The following DEPDC1 variants were observed in gnomAD, a reference collection of about 807,000 sequenced individuals.
DEPDC1 encodes DEP domain-containing protein 1A.
A neutral mutation model predicts 86.8 loss-of-function variants in DEPDC1; 66 were observed. That is an observed-to-expected ratio of 0.76 (90% CI 0.62 to 0.93). The LOEUF (loss-of-function observed/expected upper bound fraction) is 0.93. Among genes scored for constraint, DEPDC1 ranks in the 40% least tolerant of loss-of-function variants. The pLI is 0.00. For missense variants in DEPDC1, 792 were observed against 935.7 expected (o/e 0.85, Z 2.00); for synonymous variants, 255 against 314.9 (o/e 0.81, Z 2.02).
At chr1:68,491,836 C>T (rs916581656) in intron 2 of DEPDC1, among the ~76,000 whole-genome samples, 2 of 151,962 alleles carry the variant, frequency 1.3e-5, no homozygotes, top group Non-Finnish European at 1.5e-5. Flanking sequence ...AGTGTGATCA[C>T]GGCTGACTAC....
intron 2 of DEPDC1, among the ~76,000 whole-genome samples, chr1:68,489,881 G>A (rs560672225): frequency 6.6e-6 from 1 of 151,960 alleles, no homozygotes; most frequent in South Asian, 2.1e-4. Flanking sequence ...CACACAAAAT[G>A]GCTCTAGAAT....
At chr1:68,481,772 CATT>C in intron 8 of DEPDC1, 160 bp from the exon 9 acceptor site, 1 of 659,902 alleles carries the variant, frequency 1.5e-6, no homozygotes, top group Non-Finnish European at 2.4e-6. Flanking sequence ...GTAAGATTCT[CATT>C]ATTTTCTTTA....
intron 2 of DEPDC1, among the ~76,000 whole-genome samples, chr1:68,491,837 G>A (rs949447976): frequency 5.9e-5 from 9 of 151,552 alleles, no homozygotes; most frequent in South Asian, 2.1e-4. Context: ...GTGTGATCAC[G>A]GCTGACTACA....
intron 4 of DEPDC1, 137 bp from the exon 5 acceptor site, chr1:68,488,641 A>G: frequency 1.4e-6 from 1 of 728,424 alleles, no homozygotes; most frequent in Non-Finnish European, 2.2e-6. Flanking sequence ...ATCCCCTTTC[A>G]AATACATTTA....
At chr1:68,489,242 A>C (rs1157195357) in intron 3 of DEPDC1, among the ~76,000 whole-genome samples, 1 of 151,836 alleles carries the variant, frequency 6.6e-6, no homozygotes, top group African/African-American at 2.4e-5. Context: ...AAATTATATA[A>C]CTGTTGTTTT....
At chr1:68,483,075 T>A in intron 7 of DEPDC1, 178 bp from the exon 8 acceptor site, 1 of 640,474 alleles carries the variant, frequency 1.6e-6, no homozygotes, top group East Asian at 2.8e-5. Flanking sequence ...AACATTCGGT[T>A]ACAAACGTGC....
chr1:68,477,903 G>A lies in DEPDC1; in HGVS notation c.2182C>T (p.Gln728Ter). ...GAAACTTTTTGCTCATCAAACTCCT[G>A]AGCACTAATCTGCTTACAGTATGAG... is the stretch of plus-strand genomic sequence containing the variant. ...TYSYCKQISA[Q>*]EFDEQKVSTS... Residue 728 changes from glutamine (Q) to a stop codon, truncating the protein, a stop_gained, in exon 11 of 12, where the codon CAG becomes TAG. Transcript: ENST00000456315. LOFTEE classifies it high-confidence loss of function. The A allele has an allele frequency of 1.3e-6, 2 of 1,585,474 alleles. No individual in the cohort carries two copies. Among genetic ancestry groups the A allele is most frequent in the Middle Eastern group, 1.7e-4 (1 of 5,956 alleles).
intron 2 of DEPDC1, among the ~76,000 whole-genome samples, chr1:68,490,499 C>A (rs1212462432): frequency 6.6e-6 from 1 of 152,108 alleles, no homozygotes; most frequent in Admixed American, 6.6e-5. Context: ...ATCCAGTATA[C>A]CACTGAGGGA....
intron 5 of DEPDC1, 116 bp downstream of exon 5, chr1:68,488,258 C>A: frequency 2.2e-6 from 2 of 892,682 alleles, no homozygotes; most frequent in East Asian, 3.1e-5. Context: ...TATGATAGCC[C>A]CTCTGATGCT....
chr1:68,497,049 G>C lies in DEPDC1; in HGVS notation c.-50C>G. Reference sequence around the variant, plus strand: ...CCATGGCGGCGAAGGCGACACTCAGGCCCAGCGGCCGCGGCAGTGGCGAGT... The same window carrying C: ...CCATGGCGGCGAAGGCGACACTCAGCCCCAGCGGCCGCGGCAGTGGCGAGT... On this transcript the variant is annotated 5_prime_UTR_variant, in exon 1 of 12. Coordinates refer to ENST00000456315, the MANE Select transcript of DEPDC1 (RefSeq NM_001114120.3). 2.5e-6 allele frequency: 4 copies of C among 1,598,958 alleles called. No homozygotes were observed. Among genetic ancestry groups the C allele is most frequent in the South Asian group, 1.1e-5 (1 of 90,584 alleles).
At chr1:68,487,516 C>A (rs1331117804) in intron 5 of DEPDC1, among the ~76,000 whole-genome samples, 1 of 151,770 alleles carries the variant, frequency 6.6e-6, no homozygotes, top group Admixed American at 6.6e-5. Flanking sequence ...CACAGGGTTA[C>A]AAAGAATAGA....
chr1:68,486,878 TATAAC>T (rs1263746632), intron 6 of DEPDC1, 54 bp downstream of exon 6: 1 of 1,300,306 alleles, frequency 7.7e-7, no homozygotes, highest in African/African-American at 1.7e-5. Context: ...ATACTATCAA[TATAAC>T]ACACACACAC....
chr1:68,482,986 G>A, intron 7 of DEPDC1, 89 bp from the exon 8 acceptor site: 2 of 1,332,834 alleles, frequency 1.5e-6, no homozygotes, highest in Non-Finnish European at 2.0e-6. Flanking sequence ...AAAAAATAAA[G>A]CATTACTATA....
In DEPDC1 at chr1:68,484,062, T is replaced by C; in HGVS notation, c.798A>G (p.Pro266=). 6.3e-7 allele frequency: 1 copy of C among 1,581,144 alleles called. No homozygotes were observed. The highest frequency in any genetic ancestry group is 8.6e-7 in the Non-Finnish European group (1 of 1,168,318). ...CATCTCGTTCAAATCCAACATAAGT[T>C]GGATTATTCATATCATTGCTTCTTG... ...NWPRSNDMNN[P]TYVGFERDVF... The change falls in exon 7 of 12, where the codon CCA becomes CCG. Residue 266 remains proline (P), a synonymous_variant. Transcript: ENST00000456315.
At position 68,482,279 on chromosome 1, in the gene DEPDC1, G is replaced by A. The variant is rs761962437; in HGVS notation, c.1529C>T (p.Ser510Phe). 48 of 1,612,616 alleles carry A rather than the reference G, an allele frequency of 3.0e-5. No individual in the cohort carries two copies. The highest frequency in any genetic ancestry group is 3.9e-5 in the Non-Finnish European group (46 of 1,179,222). ...ACTACTTCTTAAAAGCAAACTCTGA[G>A]ACCTACAAAGCTGTTTTGACTTGCA... ...GKCKSKQLCRSQSLLLRSSTR... is the reference protein window; with the variant it reads ...GKCKSKQLCRFQSLLLRSSTR... Residue 510 changes from serine to phenylalanine, a missense_variant, in exon 8 of 12, where the codon TCT becomes TTT. Transcript: ENST00000456315.
intron 9 of DEPDC1, among the ~76,000 whole-genome samples, chr1:68,480,097 TAAA>T (rs1646144995): frequency 6.6e-6 from 1 of 152,062 alleles, no homozygotes; most frequent in African/African-American, 2.4e-5. Context: ...AAATAGTTTT[TAAA>T]AATGTTTATT....
At chr1:68,485,472 G>C (rs928661620) in intron 6 of DEPDC1, among the ~76,000 whole-genome samples, 1 of 152,116 alleles carries the variant, frequency 6.6e-6, no homozygotes, top group Middle Eastern at 3.4e-3. Flanking sequence ...CTGGGGGATC[G>C]AATAACAAGT....
In DEPDC1 at chr1:68,477,983, C is replaced by A; in HGVS notation, c.2113-11G>T. On this transcript the variant is annotated splice_polypyrimidine_tract_variant and intron_variant, in intron 10 of 11. Coordinates refer to ENST00000456315, the MANE Select transcript of DEPDC1 (RefSeq NM_001114120.3). ...TCCAGGATTTTCAATCTGTAGTGAT[C>A]AAAATGATATAACTCTGTTAATTCT... 6.7e-7 allele frequency: 1 copy of A among 1,494,764 alleles called. No homozygotes were observed. The highest frequency in any genetic ancestry group is 1.5e-5 in the South Asian group (1 of 67,966). 92.6% of individuals were successfully genotyped at this position (1,494,764 alleles called of 1,614,324 possible). A position where few individuals can be genotyped will look rare whatever the true frequency, so the allele number is the denominator to read the frequency against.
chr1:68,493,870 T>C (rs1405430070), intron 2 of DEPDC1, among the ~76,000 whole-genome samples: 1 of 152,166 alleles, frequency 6.6e-6, no homozygotes, highest in East Asian at 1.9e-4. Context: ...ACTCATTTTT[T>C]GTATTTTTAG....
Sources: gnomAD v4.1 joint callset for allele counts (sites outside exome capture counted in the v4.1 genomes callset) on GRCh38, gnomAD v4.1.1 for gene constraint, MANE v1.5 for transcripts, NCBI Gene and HGNC (gene_info 2026-07-23, HGNC 2026-07-21) for gene names.